Variants in SPTB observed in about 807,000 individuals in gnomAD.
The protein encoded by SPTB is spectrin beta chain, erythrocytic.
Under a neutral mutation model 256.2 loss-of-function variants are expected in SPTB, and 45 were observed. The observed-to-expected ratio is 0.18, with a 90% confidence interval of 0.14 to 0.23. The LOEUF is 0.23. SPTB is among the 10% of genes least tolerant of loss of function. The probability of loss-of-function intolerance (pLI) is 1.00; values close to 1 mark genes in which losing one functional copy is unlikely to be tolerated. For synonymous variants in SPTB, 1,231 were observed against 1,243.1 expected (o/e 0.99, Z 0.21); for missense variants, 2,715 against 3,040.4 (o/e 0.89, Z 2.52).
At chr14:64,871,232 C>T (rs7147408) in intron 1 of SPTB, among the ~76,000 whole-genome samples, 16,401 of 152,024 alleles carry the variant, frequency 0.11, 2,202 homozygotes, top group African/African-American at 0.31. Flanking sequence ...TGTTCCAGGA[C>T]GAAGACACAG....
Position 64,833,815 on chromosome 14 carries a change from A to C in SPTB, c.-51-10670T>G, listed in dbSNP as rs2083483010. On this transcript the variant is annotated intron_variant, in intron 1 of 35. Transcript: ENST00000644917. Reference sequence around the variant, plus strand: ...AAATAAGCTAAAGATCGTTTGTTGAATAAATGGATGAGAACTGAGAAATGC... The same window carrying C: ...AAATAAGCTAAAGATCGTTTGTTGACTAAATGGATGAGAACTGAGAAATGC... Among the ~76,000 whole-genome samples, 4 of 152,178 alleles carry C rather than the reference A, an allele frequency of 2.6e-5. No homozygotes were observed. The South Asian group carries it at 8.3e-4, about 32-fold the overall frequency.
intron 1 of SPTB, among the ~76,000 whole-genome samples, chr14:64,854,557 T>C (rs922674834): frequency 6.6e-6 from 1 of 151,978 alleles, no homozygotes; most frequent in East Asian, 1.9e-4. Context: ...GGATTACAGG[T>C]GTGAGCCACC....
At chr14:64,794,683 AC>A in intron 12 of SPTB, 66 bp from the exon 13 acceptor site, 1 of 1,601,396 alleles carries the variant, frequency 6.2e-7, no homozygotes, top group East Asian at 2.2e-5. Flanking sequence ...AGGAGAAGAG[AC>A]CCCTGCAAAG....
In SPTB at chr14:64,802,370, G is replaced by T; in HGVS notation, c.475-53C>A. On this transcript the variant is annotated intron_variant, in intron 4 of 35. Transcript: ENST00000644917. This position sits in a 1 kb window ranked among gnomAD's most constrained non-coding sequence, Gnocchi z 5.1. ...GAAGAGGATGTGCATCTGGATCTGT[G>T]CTTTCCTGCCGTCCCTGGGAGGCTC... 1.3e-6 allele frequency: 2 copies of T among 1,567,832 alleles called. No homozygotes were observed. Among genetic ancestry groups the T allele is most frequent in the Non-Finnish European group, 8.8e-7 (1 of 1,142,798 alleles).
Position 64,749,439 on chromosome 14 carries a change from G to A in SPTB, c.6854C>T (p.Thr2285Ile), listed in dbSNP as rs1468529946. Residue 2285 changes from threonine to isoleucine, a missense_variant, in exon 36 of 36, where the codon ACC (threonine) becomes ATC (isoleucine). By Grantham distance (89) the Thr-to-Ile change is moderately conservative (BLOSUM62 -1). This residue lies in a region of SPTB where 2,239 missense variants were observed against 2,384.4 expected (regional missense o/e 0.94). Coordinates refer to ENST00000644917, the MANE Select transcript of SPTB (RefSeq NM_001355436.2). This position sits in a 1 kb window ranked among gnomAD's most constrained non-coding sequence, Gnocchi z 4.7. ...GATGCTCTGGGACTCGTTGATGGCG[G>A]TGCTCACGCCCTGCAGCCAGGACAG... ...EMLSWLQGVSTAINESQSIRV... is the reference protein window; with the variant it reads ...EMLSWLQGVSIAINESQSIRV... 4 of 1,603,442 alleles carry A rather than the reference G, an allele frequency of 2.5e-6. No individual in the cohort carries two copies. Among genetic ancestry groups the A allele is most frequent in the Non-Finnish European group, 2.5e-6 (3 of 1,178,976 alleles).
At chr14:64,856,753 A>C (rs1227655493) in intron 1 of SPTB, among the ~76,000 whole-genome samples, 2 of 152,242 alleles carry the variant, frequency 1.3e-5, no homozygotes, top group African/African-American at 4.8e-5. Context: ...GAAGGGCGGG[A>C]GTCCTCAAGA....
Position 64,775,472 on chromosome 14 carries a change from C to G in SPTB, c.4564-69G>C. On this transcript the variant is annotated intron_variant, in intron 22 of 35. Coordinates refer to ENST00000644917, the MANE Select transcript of SPTB (RefSeq NM_001355436.2). The surrounding 1 kb of genome is among the most constrained non-coding windows in gnomAD (Gnocchi z 5.0). ...GCGGGGGAGGCTGCTTCAGCAGTGG[C>G]AGCACAGCTCTGACACCCTTGGTCC... 1 of 1,553,120 alleles carries G rather than the reference C, an allele frequency of 6.4e-7. No homozygotes were observed. Among genetic ancestry groups the G allele is most frequent in the Non-Finnish European group, 8.7e-7 (1 of 1,145,726 alleles).
chr14:64,774,641 G>T, intron 23 of SPTB, 114 bp from the exon 24 acceptor site: 1 of 1,463,294 alleles, frequency 6.8e-7, no homozygotes, highest in Non-Finnish European at 9.3e-7. Flanking sequence ...TAGGCTTGTG[G>T]GACACCCGCA....
At position 64,779,208 on chromosome 14, in the gene SPTB, G is replaced by A. The variant is rs202093517; in HGVS notation, c.4512C>T (p.Ala1504=). 61 of 1,613,920 alleles carry A rather than the reference G, an allele frequency of 3.8e-5. 2 individuals carry two copies. The highest frequency in any genetic ancestry group is 3.3e-4 in the Admixed American group (20 of 60,010). The part of the protein sequence containing the change: ...VEERLPLAQS[A]DYGTNLQTVQ... The stretch of plus-strand genomic sequence containing the variant: ...CAGTTTGCAGATTAGTGCCATAGTC[G>A]GCTGACTGGGCCAGAGGCAGCCTCT... Residue 1504 remains alanine, a synonymous_variant, in exon 22 of 36, where the codon GCC becomes GCT. Coordinates refer to ENST00000644917, the MANE Select transcript of SPTB (RefSeq NM_001355436.2). This position sits in a 1 kb window ranked among gnomAD's most constrained non-coding sequence, Gnocchi z 4.2.
chr14:64,845,804 C>G lies in SPTB; in HGVS notation c.-51-22659G>C, dbSNP rs533734532. On this transcript the variant is annotated intron_variant, in intron 1 of 35. Transcript: ENST00000644917. This position sits in a 1 kb window ranked among gnomAD's most constrained non-coding sequence, Gnocchi z 4.8. ...TTGTTGAGTCAAATTATTTTCGACT[C>G]TTTTAAAATGTTATCATTTTAATTT... 6.6e-6 allele frequency among the ~76,000 whole-genome samples: 1 copy of G among 152,124 alleles called. No individual in the cohort carries two copies. Among genetic ancestry groups the G allele is most frequent in the Non-Finnish European group, 1.5e-5 (1 of 68,028 alleles).
chr14:64,795,555 C>A lies in SPTB; in HGVS notation c.1426G>T (p.Glu476Ter), dbSNP rs1288189443. Residue 476 changes from glutamate to a stop codon, truncating the protein, a stop_gained, in exon 12 of 36, where the codon GAG (glutamate) becomes TAG (stop). Transcript: ENST00000644917. LOFTEE classifies it high-confidence loss of function. This position sits in a 1 kb window ranked among gnomAD's most constrained non-coding sequence, Gnocchi z 6.5. ...AIETDTAAYE[E>*]RVRALEDLAQ... ...AGGTCCTCCAGGGCTCTCACCCGCT[C>A]CTCGTAGGCAGCCGTGTCGGTCTCG... 1 of 1,614,170 alleles carries A rather than the reference C, an allele frequency of 6.2e-7. No individual in the cohort carries two copies. The highest frequency in any genetic ancestry group is 1.7e-5 in the Admixed American group (1 of 60,024).
At position 64,766,792 on chromosome 14, in the gene SPTB, C is replaced by T. The variant is rs745447608; in HGVS notation, c.6279G>A (p.Glu2093=). The change falls in exon 32 of 36, where the codon GAG becomes GAA. Residue 2093 remains glutamate (E), a synonymous_variant. Coordinates refer to ENST00000644917, the MANE Select transcript of SPTB (RefSeq NM_001355436.2). ...ERPAEETGPQ[E]EEGETAGEAP... The stretch of plus-strand genomic sequence containing the variant: ...CCTCCCCTGCTGTCTCGCCTTCCTC[C>T]TCTTGAGGCCTAAGGAAGACACAGT... 1.2e-6 allele frequency: 2 copies of T among 1,611,650 alleles called. No individual in the cohort carries two copies. The highest frequency in any genetic ancestry group is 1.7e-6 in the Non-Finnish European group (2 of 1,179,954).
chr14:64,856,625 G>A (rs1157619155), intron 1 of SPTB, among the ~76,000 whole-genome samples: 1 of 152,242 alleles, frequency 6.6e-6, no homozygotes, highest in African/African-American at 2.4e-5. Context: ...GGATTAGCCA[G>A]GGCAAACTTT....
At chr14:64,822,351 T>TTCTCTCTGTCTC (rs1491124547) in intron 2 of SPTB, among the ~76,000 whole-genome samples, 5 of 8,212 alleles carry the variant, frequency 6.1e-4, no homozygotes, top group East Asian at 4.6e-3. Flanking sequence ...CACCCCCACC[T>TTCTCTCTGTCTC]TCTCTCTCTC....
At chr14:64,830,914 T>C (rs1341841428) in intron 1 of SPTB, among the ~76,000 whole-genome samples, 1 of 152,238 alleles carries the variant, frequency 6.6e-6, no homozygotes, top group Non-Finnish European at 1.5e-5. Context: ...CATACCCTGA[T>C]ATTTTAGCTA....
At position 64,797,679 on chromosome 14, in the gene SPTB, G is replaced by C. The variant is rs375677796; in HGVS notation, c.1182+50C>G. The C allele has an allele frequency of 4.4e-6, 6 of 1,363,216 alleles. No individual in the cohort carries two copies. In the East Asian group the frequency reaches 1.4e-4, roughly 31 times the overall value. 84.4% of individuals were successfully genotyped at this position (1,363,216 alleles called of 1,614,324 possible). On this transcript the variant is annotated intron_variant, in intron 10 of 35. Coordinates refer to ENST00000644917, the MANE Select transcript of SPTB (RefSeq NM_001355436.2). ...AATGACCATTCACTGTGTCCTTATC[G>C]GGAATTCAATCAATCTACTGTCAAT...
In SPTB at chr14:64,823,525, AC is replaced by A. The variant is rs1358284359; in HGVS notation, c.-51-381del. Among the ~76,000 whole-genome samples, 1 of 152,060 alleles carries A rather than the reference AC, an allele frequency of 6.6e-6. No homozygotes were observed. Among genetic ancestry groups the A allele is most frequent in the Non-Finnish European group, 1.5e-5 (1 of 68,004 alleles). ...AGCAGGGCACAAGCTGGGGAAAGCA[AC>A]CCTCACCCTGAGGACTAGGCCAGGA... On this transcript the variant is annotated intron_variant, in intron 1 of 35. Coordinates refer to ENST00000644917, the MANE Select transcript of SPTB (RefSeq NM_001355436.2). The surrounding 1 kb of genome is among the most constrained non-coding windows in gnomAD (Gnocchi z 6.5).
rs1218847218 is a variant in SPTB, at chr14:64,845,897, T to G, written c.-51-22752A>C. ...AGGCATTTTGGGCCAATATTGACTTTCCAAAAAAAACCCGCTCTACATTTT... is the reference window on the plus strand; with the variant it reads ...AGGCATTTTGGGCCAATATTGACTTGCCAAAAAAAACCCGCTCTACATTTT... On this transcript the variant is annotated intron_variant, in intron 1 of 35. Coordinates refer to ENST00000644917, the MANE Select transcript of SPTB (RefSeq NM_001355436.2). This position sits in a 1 kb window ranked among gnomAD's most constrained non-coding sequence, Gnocchi z 4.8. Among the ~76,000 whole-genome samples, 18 of 146,420 alleles carry G rather than the reference T, an allele frequency of 1.2e-4. No individual in the cohort carries two copies. The highest frequency in any genetic ancestry group is 1.1e-3 in the Admixed American group (17 of 14,988).
intron 1 of SPTB, among the ~76,000 whole-genome samples, chr14:64,836,478 G>C (rs989759430): frequency 6.6e-6 from 1 of 152,014 alleles, no homozygotes; most frequent in African/African-American, 2.4e-5. Context: ...TGAGTTTGTG[G>C]GTCTGCTCAA....
Sources: allele counts gnomAD v4.1 joint callset (sites outside exome capture counted in the v4.1 genomes callset), GRCh38; gene constraint gnomAD v4.1.1; regional missense constraint gnomAD v4.1.1; non-coding constraint Gnocchi (gnomAD v3.1); transcripts MANE v1.5; gene names NCBI Gene and HGNC (gene_info 2026-07-23, HGNC 2026-07-21).